The following TENM3 variants were observed in gnomAD, a reference collection of about 807,000 sequenced individuals.
TENM3 encodes teneurin transmembrane protein 3.
A neutral mutation model predicts 255.1 loss-of-function variants in TENM3; 63 were observed. That is an observed-to-expected ratio of 0.25 (90% confidence interval 0.20 to 0.30). The LOEUF is 0.30. TENM3 is among the 10% of genes least tolerant of loss of function. The pLI is 1.00. For synonymous variants in TENM3, 1,306 were observed against 1,322.3 expected (o/e 0.99, Z 0.27); for missense variants, 2,929 against 3,461.1 (o/e 0.85, Z 3.86).
At chr4:182,121,577 T>A in the TENM3 span, among the ~76,000 whole-genome samples, 1 of 152,198 alleles carries the variant, frequency 6.6e-6, no homozygotes, top group Non-Finnish European at 1.5e-5. Flanking sequence ...TCCCAGTGCA[T>A]ATAAAAGTTA....
chr4:182,211,288 T>C (rs1327415295), intron 1 of TENM3, among the ~76,000 whole-genome samples: 2 of 152,226 alleles, frequency 1.3e-5, no homozygotes, highest in Non-Finnish European at 2.9e-5. Context: ...TTTTATACTT[T>C]TGTCTTTTCT....
At chr4:181,924,068 A>G in the TENM3 span, among the ~76,000 whole-genome samples, 1 of 152,138 alleles carries the variant, frequency 6.6e-6, no homozygotes, top group Non-Finnish European at 1.5e-5. Context: ...TTCTGGGGCT[A>G]TTTCTCAGGG....
intron 3 of TENM3, among the ~76,000 whole-genome samples, chr4:182,565,053 T>A (rs1743637439): frequency 6.6e-6 from 1 of 152,232 alleles, no homozygotes; most frequent in South Asian, 2.1e-4. Flanking sequence ...CATACATTAT[T>A]TGGCCATCAC....
chr4:181,861,005 A>G, the TENM3 span, among the ~76,000 whole-genome samples: 1 of 152,230 alleles, frequency 6.6e-6, no homozygotes, highest in African/African-American at 2.4e-5. Context: ...AAAAAAATGT[A>G]ATTTTGAAAT....
chr4:182,668,924 C>T (rs1032410990), intron 6 of TENM3, among the ~76,000 whole-genome samples: 5 of 152,148 alleles, frequency 3.3e-5, no homozygotes, highest in African/African-American at 9.7e-5. Context: ...TCTCAAAGCA[C>T]AGGTATGCTA....
At chr4:182,143,168 G>A (rs1276979006), upstream of TENM3, 1 of 167,216 alleles carries the variant, frequency 6.0e-6, no homozygotes, top group Non-Finnish European at 1.5e-5. This position sits in a 1 kb window ranked among gnomAD's most constrained non-coding sequence, Gnocchi z 4.3. Context: ...GGAAAGAAGA[G>A]TAGTAAAAGT....
the TENM3 span, among the ~76,000 whole-genome samples, chr4:181,658,172 A>T: frequency 1.3e-5 from 2 of 152,192 alleles, no homozygotes; most frequent in African/African-American, 2.4e-5. Flanking sequence ...ATACAGAAAA[A>T]AATACATGAG....
the TENM3 span, among the ~76,000 whole-genome samples, chr4:181,609,493 T>C: frequency 3.2e-4 from 48 of 152,338 alleles, no homozygotes; most frequent in Non-Finnish European, 6.3e-4. Flanking sequence ...CTGACCTTTT[T>C]CTAGGAGGTT....
chr4:182,424,387 A>T (rs941808762), intron 3 of TENM3, among the ~76,000 whole-genome samples: 1 of 151,904 alleles, frequency 6.6e-6, no homozygotes, highest in Non-Finnish European at 1.5e-5. Context: ...AGTTAAAGTC[A>T]CTCTTTCTAG....
At chr4:182,341,217 G>A (rs112687475) in intron 2 of TENM3, among the ~76,000 whole-genome samples, 70 of 152,226 alleles carry the variant, frequency 4.6e-4, no homozygotes, top group African/African-American at 1.6e-3. Flanking sequence ...TTAGAAAGAA[G>A]ATAGGCTTTA....
rs117035905 is a variant in TENM3, at chr4:182,549,077, A to G, written c.512-51847A>G. Among the ~76,000 whole-genome samples, 347 of 152,330 alleles carry G rather than the reference A, an allele frequency of 2.3e-3. 7 individuals are homozygous for G. In the East Asian group the frequency reaches 0.05, roughly 22 times the overall value. ...AGTAGCCTTTTTAAGGTAAGATAGA[A>G]TTTTAAAGTCGGCTCCAGATATAAT... On this transcript the variant is annotated intron_variant, in intron 3 of 27. Transcript: ENST00000511685.
the TENM3 span, among the ~76,000 whole-genome samples, chr4:181,814,195 A>G: frequency 6.6e-6 from 1 of 152,292 alleles, no homozygotes; most frequent in African/African-American, 2.4e-5. Flanking sequence ...GGCAATGTGT[A>G]CTAGACACAT....
chr4:182,497,715 A>G (rs1735910452), intron 3 of TENM3, among the ~76,000 whole-genome samples: 1 of 152,070 alleles, frequency 6.6e-6, no homozygotes. Context: ...GTTACCAATC[A>G]TATCAGTCCA....
chr4:182,788,378 T>C (rs866505941), intron 24 of TENM3, among the ~76,000 whole-genome samples: 1 of 152,324 alleles, frequency 6.6e-6, no homozygotes, highest in Middle Eastern at 3.4e-3. Context: ...ACAGCCAGAT[T>C]TAGTCCAAGG....
At chr4:182,394,525 G>GT (rs1768662593) in intron 3 of TENM3, among the ~76,000 whole-genome samples, 1 of 152,136 alleles carries the variant, frequency 6.6e-6, no homozygotes, top group African/African-American at 2.4e-5. Context: ...CTGAAATGTG[G>GT]TTTTACTGCA....
chr4:182,580,399 A>G (rs1372605977), intron 3 of TENM3, among the ~76,000 whole-genome samples: 3 of 152,130 alleles, frequency 2.0e-5, no homozygotes, highest in Admixed American at 1.3e-4. Context: ...GTTTTGAAAA[A>G]ATACCTCTTC....
chr4:181,455,708 C>T, the TENM3 span, among the ~76,000 whole-genome samples: 1 of 151,520 alleles, frequency 6.6e-6, no homozygotes, highest in Non-Finnish European at 1.5e-5. Flanking sequence ...AGTGGAGTGT[C>T]GAGGTATTTA....
intron 3 of TENM3, among the ~76,000 whole-genome samples, chr4:182,520,728 A>G (rs79120868): frequency 0.044 from 6,656 of 152,292 alleles, 160 homozygotes; most frequent in Middle Eastern, 0.061. Flanking sequence ...ACAAGTTAGT[A>G]TAGGCTTGTA....
In TENM3 at chr4:182,354,843, G is replaced by A. The variant is rs114664782; in HGVS notation, c.511+7914G>A. ...TGACTATTGCCTTGACTTTAGTCAC[G>A]CAGAACCTGAAAACTAAATAAAGGG... On this transcript the variant is annotated intron_variant, in intron 3 of 27. Coordinates refer to ENST00000511685, the MANE Select transcript of TENM3 (RefSeq NM_001080477.4). Among the ~76,000 whole-genome samples the A allele has an allele frequency of 4.0e-3, 616 of 152,214 alleles. 4 individuals are homozygous for A. Among genetic ancestry groups the A allele is most frequent in the African/African-American group, 0.014 (576 of 41,542 alleles).
Sources: gnomAD v4.1 joint callset for allele counts (sites outside exome capture counted in the v4.1 genomes callset) on GRCh38, gnomAD v4.1.1 for gene constraint, Gnocchi (gnomAD v3.1) non-coding constraint, MANE v1.5 for transcripts, NCBI Gene and HGNC (gene_info 2026-07-23, HGNC 2026-07-21) for gene names.